The following AKAP6 variants were observed in gnomAD, a reference collection of about 807,000 sequenced individuals.
The protein encoded by AKAP6 is A-kinase anchoring protein 6.
Under a neutral mutation model 188.5 loss-of-function variants are expected in AKAP6, and 58 were observed. The ratio of observed to expected loss-of-function variants is 0.31; its 90% CI spans 0.25 to 0.38. AKAP6 has a LOEUF of 0.38. AKAP6 is among the 10% of genes least tolerant of loss of function. AKAP6 has a pLI of 1.00. For synonymous variants in AKAP6, 989 were observed against 998.6 expected, an observed-to-expected ratio of 0.99 and a Z score of 0.18; for missense variants, 2,710 against 2,740.0, an observed-to-expected ratio of 0.99 and a Z score of 0.24.
At chr14:32,804,934 C>T (rs1269776268) in intron 12 of AKAP6, among the ~76,000 whole-genome samples, 4 of 152,144 alleles carry the variant, frequency 2.6e-5, no homozygotes, top group Non-Finnish European at 4.4e-5. Context: ...TTTTGCCCAA[C>T]CCCACAGGCA....
intron 5 of AKAP6, 60 bp from the exon 6 acceptor site, chr14:32,599,350 T>C: frequency 3.6e-6 from 5 of 1,405,878 alleles, no homozygotes; most frequent in Non-Finnish European, 5.0e-6. Context: ...AGTAATTTTA[T>C]ATGGATGTTT....
intron 12 of AKAP6, among the ~76,000 whole-genome samples, chr14:32,783,122 ATT>A (rs1254305662): frequency 6.6e-6 from 1 of 152,176 alleles, no homozygotes; most frequent in Non-Finnish European, 1.5e-5. Flanking sequence ...TGGTCAATTA[ATT>A]TTTAATAGAA....
At position 32,375,704 on chromosome 14, in the gene AKAP6, G is replaced by C. The variant is rs142424496; in HGVS notation, c.-35+46296G>C. On this transcript the variant is annotated intron_variant, in intron 1 of 13. Transcript: ENST00000280979. ...TTCATGGGCTCATCGAATCCTTCCT[G>C]TTAACAACCCTATTTTATAGGTATG... Among the ~76,000 whole-genome samples, 144 of 152,216 alleles carry C rather than the reference G, an allele frequency of 9.5e-4. 3 individuals carry two copies. The East Asian group carries it at 0.023, about 24-fold the overall frequency.
chr14:32,704,126 C>A (rs888529427), intron 9 of AKAP6, among the ~76,000 whole-genome samples: 1 of 152,090 alleles, frequency 6.6e-6, no homozygotes, highest in Non-Finnish European at 1.5e-5. Flanking sequence ...TGCTTGGTTT[C>A]AGGGTAATAA....
At chr14:32,573,149 C>T (rs1430130233) in intron 4 of AKAP6, among the ~76,000 whole-genome samples, 1 of 152,116 alleles carries the variant, frequency 6.6e-6, no homozygotes, top group Non-Finnish European at 1.5e-5. Context: ...ACAATAAGGA[C>T]ACTGGTAGAA....
chr14:32,801,791 G>GT (rs1566722127), intron 12 of AKAP6, among the ~76,000 whole-genome samples: 2 of 152,052 alleles, frequency 1.3e-5, no homozygotes, highest in Admixed American at 1.3e-4. Flanking sequence ...TAGTTTGGTG[G>GT]TTTTTTTCTT....
chr14:32,413,175 ATT>A (rs10577801), intron 1 of AKAP6, among the ~76,000 whole-genome samples: 9,119 of 59,818 alleles, frequency 0.15, 396 homozygotes, highest in Middle Eastern at 0.19. Context: ...ATTTATTGAA[ATT>A]TTTTTTTTTT....
intron 9 of AKAP6, among the ~76,000 whole-genome samples, chr14:32,706,157 T>C (rs1221672055): frequency 6.6e-6 from 1 of 152,200 alleles, no homozygotes; most frequent in Non-Finnish European, 1.5e-5. Context: ...GCTCGCCTGC[T>C]CATTGTTGCC....
intron 9 of AKAP6, among the ~76,000 whole-genome samples, chr14:32,699,988 A>G (rs891495044): frequency 1.3e-5 from 2 of 152,170 alleles, no homozygotes; most frequent in Non-Finnish European, 2.9e-5. Context: ...AATATTTAAA[A>G]CCCACTTGTG....
At chr14:32,347,979 G>A (rs543046384) in intron 1 of AKAP6, among the ~76,000 whole-genome samples, 16 of 152,300 alleles carry the variant, frequency 1.1e-4, no homozygotes, top group Non-Finnish European at 1.9e-4. Context: ...AGGAAATCGG[G>A]ATACATTTTC....
chr14:32,422,295 A>G (rs1951186), intron 1 of AKAP6, among the ~76,000 whole-genome samples: 1,888 of 152,264 alleles, frequency 0.012, 17 homozygotes, highest in Middle Eastern at 0.024. Flanking sequence ...CCAACTGGCT[A>G]TAAAGTTGAG....
At chr14:32,678,250 C>A in intron 7 of AKAP6, 61 bp from the exon 8 acceptor site, 2 of 1,535,186 alleles carry the variant, frequency 1.3e-6, no homozygotes, top group Admixed American at 3.7e-5. Flanking sequence ...GTTGTTACAC[C>A]TCACTTGAAA....
intron 1 of AKAP6, among the ~76,000 whole-genome samples, chr14:32,383,317 A>G (rs1049364382): frequency 1.1e-4 from 17 of 152,164 alleles, no homozygotes; most frequent in Admixed American, 6.6e-5. Flanking sequence ...AGGCTTTTTA[A>G]TAGAAAACAA....
At chr14:32,548,384 G>A (rs1350367455) in intron 4 of AKAP6, among the ~76,000 whole-genome samples, 1 of 151,806 alleles carries the variant, frequency 6.6e-6, no homozygotes, top group African/African-American at 2.4e-5. Flanking sequence ...TTACAGGCGT[G>A]AGCCACTGTG....
At position 32,357,880 on chromosome 14, in the gene AKAP6, G is replaced by A. The variant is rs150665867; in HGVS notation, c.-35+28472G>A. Among the ~76,000 whole-genome samples, 142 of 152,346 alleles carry A rather than the reference G, an allele frequency of 9.3e-4. 3 individuals are homozygous for A. The East Asian group carries it at 0.026, about 27-fold the overall frequency. On this transcript the variant is annotated intron_variant, in intron 1 of 13. Transcript: ENST00000280979. ...AATCTGCATTGTAGCATATATGGCT[G>A]CCTTAGCCAGGGGATGAGCATTCTC... is the stretch of plus-strand genomic sequence containing the variant.
chr14:32,495,953 C>G (rs1880295102), intron 2 of AKAP6, among the ~76,000 whole-genome samples: 1 of 152,106 alleles, frequency 6.6e-6, no homozygotes, highest in Non-Finnish European at 1.5e-5. Flanking sequence ...TATTGTTGTT[C>G]TTCTTACCCC....
At chr14:32,376,690 T>A (rs2085720206) in intron 1 of AKAP6, among the ~76,000 whole-genome samples, 1 of 152,164 alleles carries the variant, frequency 6.6e-6, no homozygotes, top group Non-Finnish European at 1.5e-5. Flanking sequence ...GAAGGGTATA[T>A]GTTTGCAGTT....
At chr14:32,829,782 G>T in intron 13 of AKAP6, 66 bp from the exon 14 acceptor site, 3 of 651,870 alleles carry the variant, frequency 4.6e-6, no homozygotes, top group Non-Finnish European at 8.3e-6. Flanking sequence ...TCCTCAAAGG[G>T]CTTGGTTTTG....
intron 2 of AKAP6, among the ~76,000 whole-genome samples, chr14:32,472,436 G>C (rs1256442191): frequency 6.6e-6 from 1 of 152,206 alleles, no homozygotes; most frequent in Non-Finnish European, 1.5e-5. Flanking sequence ...GCATTCAATA[G>C]AAGTGTTTTC....
Sources: gnomAD v4.1 joint callset for allele counts (sites outside exome capture counted in the v4.1 genomes callset) on GRCh38, gnomAD v4.1.1 for gene constraint, MANE v1.5 for transcripts, NCBI Gene and HGNC (gene_info 2026-07-23, HGNC 2026-07-21) for gene names.